The following PCDHA9 variants were observed in gnomAD, a reference collection of about 807,000 sequenced individuals.
PCDHA9 encodes the protein protocadherin alpha-9.
Under a neutral mutation model 62.0 loss-of-function variants are expected in PCDHA9, and 62 were observed. That is an observed-to-expected ratio of 1.00 (90% CI 0.81 to 1.23). The LOEUF (loss-of-function observed/expected upper bound fraction) is 1.23. Ranked by LOEUF, PCDHA9 falls within the 50% of genes most tolerant of loss-of-function variation. PCDHA9 has a pLI of 0.00. For synonymous variants in PCDHA9, 557 were observed against 567.6 expected, an observed-to-expected ratio of 0.98 and a Z score of 0.27; for missense variants, 1,205 against 1,249.8, an observed-to-expected ratio of 0.96 and a Z score of 0.54.
At position 140,849,720 on chromosome 5, in the gene PCDHA9, C is replaced by T. The variant is rs1184011333; in HGVS notation, c.1225C>T (p.Leu409=). 1.3e-6 allele frequency: 2 copies of T among 1,598,576 alleles called. No individual in the cohort carries two copies. The highest frequency in any genetic ancestry group is 1.7e-5 in the Admixed American group (1 of 59,306). ...CTACAAGAATTACTACTCGTTGGTG[C>T]TGGACAGAGCTCTGGACCGCGAGAG... is the stretch of plus-strand genomic sequence containing the variant. ...STYKNYYSLV[L]DRALDRESVS... is the part of the protein sequence containing the mutation. Residue 409 remains leucine (L), a synonymous_variant, in exon 1 of 4, where the codon CTG becomes TTG. Coordinates refer to ENST00000532602, the MANE Select transcript of PCDHA9 (RefSeq NM_031857.2).
intron 1 of PCDHA9, chr5:140,853,382 A>C: frequency 1.0e-6 from 1 of 985,900 alleles, no homozygotes; most frequent in Non-Finnish European, 1.2e-6. Context: ...TAAAATTCAA[A>C]ACAGCCTGTC....
At chr5:140,853,269 C>G (rs1458321470) in intron 1 of PCDHA9, 2 of 975,966 alleles carry the variant, frequency 2.0e-6, no homozygotes, top group African/African-American at 1.8e-5. Flanking sequence ...AGAGTACAAG[C>G]TCTCATCATA....
chr5:140,864,378 T>C (rs1269675465), intron 1 of PCDHA9: 1 of 152,252 alleles, frequency 6.6e-6, no homozygotes, highest in Non-Finnish European at 1.5e-5. Context: ...ATCGATAAGT[T>C]TATCTCTCAC....
At chr5:140,883,303 T>C in intron 1 of PCDHA9, 3 of 1,614,096 alleles carry the variant, frequency 1.9e-6, no homozygotes, top group Non-Finnish European at 2.5e-6. Flanking sequence ...ATGTAAATGA[T>C]AACGCCCCAG....
In PCDHA9 at chr5:140,858,048, C is replaced by G. The variant is rs1203574330; in HGVS notation, c.2394+7159C>G. 9.4e-6 allele frequency: 15 copies of G among 1,597,302 alleles called. 2 individuals carry two copies. Among genetic ancestry groups the G allele is most frequent in the Non-Finnish European group, 1.2e-5 (14 of 1,167,436 alleles). On this transcript the variant is annotated intron_variant, in intron 1 of 3. Transcript: ENST00000532602. ...ACGGCCACGGCCACTGTGCTTGTGT[C>G]GCTTGTGGAGGGCAGCCAGGCACCC...
intron 1 of PCDHA9, chr5:140,867,274 C>T (rs2049858759): frequency 6.6e-6 from 1 of 151,960 alleles, no homozygotes; most frequent in Non-Finnish European, 1.5e-5. Flanking sequence ...CAAAATAAAC[C>T]TGATGTGCTT....
intron 1 of PCDHA9, among the ~76,000 whole-genome samples, chr5:140,933,853 A>G (rs192647657): frequency 6.6e-6 from 1 of 151,684 alleles, no homozygotes; most frequent in Non-Finnish European, 1.5e-5. Flanking sequence ...TGTACCTTTA[A>G]TTTTTTCAGA....
chr5:140,946,631 T>TATATATATATATATATATACAC lies in PCDHA9; in HGVS notation c.2395-32317_2395-32316insTATATATATATATATATACACA, dbSNP rs57893927. Among the ~76,000 whole-genome samples the TATATATATATATATATATACAC allele has an allele frequency of 6.1e-4, 80 of 131,840 alleles. 1 individual carries two copies. The East Asian group carries it at 6.6e-3, about 11-fold the overall frequency. The allele number at this position is 131,840 out of a possible 152,430, so 86.5% of individuals were successfully genotyped here. A position where few individuals can be genotyped will look rare whatever the true frequency, so the allele number is the denominator to read the frequency against. ...TGTGAAATATATATATATATATATATACAATGGAATACTCATCAGCCATTA... is the reference window on the plus strand; with the variant it reads ...TGTGAAATATATATATATATATATATATATATATATATATATATACACACAATGGAATACTCATCAGCCATTA... On this transcript the variant is annotated intron_variant, in intron 1 of 3. Transcript: ENST00000532602.
chr5:140,877,676 G>T (rs781985023), intron 1 of PCDHA9: 1 of 1,613,606 alleles, frequency 6.2e-7, no homozygotes, highest in South Asian at 1.1e-5. Context: ...TGCGCGCCGG[G>T]CAAGCCCACG....
intron 1 of PCDHA9, among the ~76,000 whole-genome samples, chr5:140,886,239 T>C (rs2060904240): frequency 6.6e-6 from 1 of 152,062 alleles, no homozygotes; most frequent in African/African-American, 2.4e-5. Flanking sequence ...ACTTCAGAAA[T>C]AAATAAAAGT....
intron 1 of PCDHA9, chr5:140,926,742 C>A: frequency 8.3e-7 from 1 of 1,199,336 alleles, no homozygotes; most frequent in Non-Finnish European, 1.1e-6. Flanking sequence ...GGAGGCGCAA[C>A]GTCGGCGGTC....
At chr5:140,899,204 C>T (rs1286752140) in intron 1 of PCDHA9, among the ~76,000 whole-genome samples, 2 of 151,972 alleles carry the variant, frequency 1.3e-5, no homozygotes, top group African/African-American at 4.8e-5. Context: ...CCTAATTGCC[C>T]TGGCCAGAAC....
intron 1 of PCDHA9, among the ~76,000 whole-genome samples, chr5:140,878,435 A>G (rs1582436641): frequency 6.6e-6 from 1 of 152,242 alleles, no homozygotes; most frequent in African/African-American, 2.4e-5. Context: ...TAGATACTGT[A>G]CTATTCTTAT....
intron 1 of PCDHA9, chr5:140,871,141 C>G: frequency 6.2e-7 from 1 of 1,613,438 alleles, no homozygotes; most frequent in Non-Finnish European, 8.5e-7. Context: ...GGCCTCTTCC[C>G]GGACTTTGGC....
intron 1 of PCDHA9, chr5:140,929,696 A>G (rs955159626): frequency 2.6e-5 from 7 of 266,458 alleles, no homozygotes; most frequent in African/African-American, 1.3e-4. Flanking sequence ...TCTGCTTTAT[A>G]TGAATATAAT....
intron 1 of PCDHA9, chr5:140,866,190 G>C (rs1420527547): frequency 6.6e-6 from 1 of 152,128 alleles, no homozygotes; most frequent in African/African-American, 2.4e-5. Context: ...TCAGAAAACT[G>C]TGGTTTCCAA....
At chr5:140,941,570 C>T (rs892912533) in intron 1 of PCDHA9, among the ~76,000 whole-genome samples, 17 of 152,046 alleles carry the variant, frequency 1.1e-4, no homozygotes, top group African/African-American at 4.1e-4. Context: ...TCGCCTCAGC[C>T]TCCCAAAGTG....
chr5:140,851,338 A>T (rs554817085), intron 1 of PCDHA9: 3 of 978,674 alleles, frequency 3.1e-6, no homozygotes, highest in East Asian at 9.3e-5. Flanking sequence ...AGTTCTCTAC[A>T]TTTCTCTGGA....
intron 3 of PCDHA9, among the ~76,000 whole-genome samples, chr5:140,985,922 G>A (rs1361292887): frequency 6.6e-6 from 1 of 151,826 alleles, no homozygotes; most frequent in African/African-American, 2.4e-5. Flanking sequence ...TGTATTTTTA[G>A]TAGAGCCGGG....
Sources: allele counts gnomAD v4.1 joint callset (sites outside exome capture counted in the v4.1 genomes callset), GRCh38; gene constraint gnomAD v4.1.1; transcripts MANE v1.5; gene names NCBI Gene and HGNC (gene_info 2026-07-23, HGNC 2026-07-21).